IAH1: variants seen among roughly 807,000 people sequenced by gnomAD.
The protein encoded by IAH1 is isoamyl acetate hydrolyzing esterase 1 (putative).
Under a neutral mutation model 26.7 loss-of-function variants are expected in IAH1, and 24 were observed. The ratio of observed to expected loss-of-function variants is 0.90; its 90% CI spans 0.65 to 1.26. The LOEUF is 1.26. IAH1 is among the 50% of genes most tolerant of loss of function. The probability of loss-of-function intolerance (pLI) is 0.00; values close to 1 mark genes in which losing one functional copy is unlikely to be tolerated. For missense variants in IAH1, 300 were observed against 299.9 expected (o/e 1.00, Z 0.00); for synonymous variants, 140 against 118.5 (o/e 1.18, Z -1.18).
chr2:9,486,797 C>G (rs575061691), intron 5 of IAH1: 14 of 151,242 alleles, frequency 9.3e-5, no homozygotes, highest in Non-Finnish European at 1.6e-4. Flanking sequence ...CCATCGTTCT[C>G]TAGCCTGGGC....
chr2:9,474,435 G>C (rs1466462175), upstream of IAH1: 1 of 477,444 alleles, frequency 2.1e-6, no homozygotes, highest in East Asian at 3.8e-5. The surrounding 1 kb of genome is among the most constrained non-coding windows in gnomAD (Gnocchi z 4.3). Flanking sequence ...GACTCCAAGG[G>C]GCAACGACCT....
At chr2:9,501,105 C>G (rs1323807777), downstream of IAH1, among the ~76,000 whole-genome samples, 1 of 152,068 alleles carries the variant, frequency 6.6e-6, no homozygotes, top group African/African-American at 2.4e-5. Context: ...CCTCCAAATT[C>G]ACAGTAGTGA....
At chr2:9,475,079 C>A in intron 1 of IAH1, 1 of 1,234,346 alleles carries the variant, frequency 8.1e-7, no homozygotes. Context: ...CTCTCTCGCC[C>A]CATTCCCTGC....
the IAH1 span, among the ~76,000 whole-genome samples, chr2:9,508,859 G>T: frequency 0.52 from 78,247 of 151,806 alleles, 21,080 homozygotes; most frequent in Middle Eastern, 0.67. Flanking sequence ...AGACAAAAAG[G>T]GGTAGAAAAA....
chr2:9,485,966 G>A (rs903061629), intron 5 of IAH1: 2 of 152,356 alleles, frequency 1.3e-5, no homozygotes, highest in South Asian at 2.1e-4. Flanking sequence ...CAAACGGGAA[G>A]ACTCACAGCC....
chr2:9,487,301 C>T (rs1333931041), intron 5 of IAH1, among the ~76,000 whole-genome samples: 1 of 152,148 alleles, frequency 6.6e-6, no homozygotes, highest in Non-Finnish European at 1.5e-5. Flanking sequence ...GGGAGGGAGA[C>T]TGGACTCCTG....
At chr2:9,487,825 TGTGTGTGTGCGCGCGC>T (rs1348482882) in intron 5 of IAH1, among the ~76,000 whole-genome samples, 52 of 106,198 alleles carry the variant, frequency 4.9e-4, no homozygotes, top group Admixed American at 1.2e-3. Context: ...TGTGTGTGTG[TGTGTGTGTGCGCGCGC>T]GCGCGCGCGC....
At chr2:9,502,372 C>G in the IAH1 span, 3 of 1,048,816 alleles carry the variant, frequency 2.9e-6, no homozygotes, top group African/African-American at 1.6e-5. Context: ...TGAAGATCAC[C>G]GGGGAAGACC....
chr2:9,511,142 A>T, the IAH1 span, among the ~76,000 whole-genome samples: 5 of 152,238 alleles, frequency 3.3e-5, no homozygotes, highest in Admixed American at 6.5e-5. Flanking sequence ...AGGAAAAAAA[A>T]AGCAAGGGGT....
At chr2:9,477,499 A>T (rs1660881643) in intron 2 of IAH1, among the ~76,000 whole-genome samples, 1 of 151,746 alleles carries the variant, frequency 6.6e-6, no homozygotes, top group Non-Finnish European at 1.5e-5. Context: ...AGAAAAAAAG[A>T]GTCCCTCTTA....
downstream of IAH1, among the ~76,000 whole-genome samples, chr2:9,499,502 C>T (rs1268302125): frequency 6.6e-5 from 10 of 151,854 alleles, no homozygotes; most frequent in African/African-American, 1.2e-4. Flanking sequence ...CCCGGGTTCA[C>T]GCCATTCTCC....
chr2:9,475,279 A>G, intron 1 of IAH1: 2 of 1,119,672 alleles, frequency 1.8e-6, no homozygotes, highest in Non-Finnish European at 2.4e-6. Flanking sequence ...CTCAGACAGG[A>G]CTTGCTTCAC....
At chr2:9,505,581 G>A in the IAH1 span, 1 of 565,970 alleles carries the variant, frequency 1.8e-6, no homozygotes, top group South Asian at 2.1e-5. Context: ...ATGTGAACTT[G>A]GTTAAGGATC....
chr2:9,511,923 A>C, the IAH1 span, among the ~76,000 whole-genome samples: 1 of 152,130 alleles, frequency 6.6e-6, no homozygotes, highest in Non-Finnish European at 1.5e-5. Flanking sequence ...GTGAGCCGAG[A>C]TAGGCCACTG....
rs1460805470 is a variant in IAH1, at chr2:9,489,479, C to CT, written c.*1151dup. On this transcript the variant is annotated 3_prime_UTR_variant, in exon 6 of 6. Transcript: ENST00000497473. ...AAAAACTGCCCAGCAAATCAGGGCC[C>CT]TAAACAGTTGGTAGATTCCATAAAT... 6.6e-6 allele frequency: 1 copy of CT among 151,768 alleles called. No individual in the cohort carries two copies. The highest frequency in any genetic ancestry group is 1.5e-5 in the Non-Finnish European group (1 of 67,930). 9.4% of individuals were successfully genotyped at this position (151,768 alleles called of 1,614,324 possible). A position where few individuals can be genotyped will look rare whatever the true frequency, so the allele number is the denominator to read the frequency against.
chr2:9,501,133 T>C (rs1469509903), downstream of IAH1, among the ~76,000 whole-genome samples: 1 of 152,056 alleles, frequency 6.6e-6, no homozygotes, highest in Non-Finnish European at 1.5e-5. Flanking sequence ...TGAAACCCAA[T>C]TTTTAAAAAA....
In IAH1 at chr2:9,474,898, C is replaced by T. The variant is rs1282588802; in HGVS notation, c.81+251C>T. On this transcript the variant is annotated intron_variant, in intron 1 of 5. Transcript: ENST00000497473. The surrounding 1 kb of genome is among the most constrained non-coding windows in gnomAD (Gnocchi z 4.3). ...AGGCACAGACGCGAGGGGACCCGGC[C>T]GCGCTGCCCGCCCCGCGCCGCCTCC... The T allele has an allele frequency of 5.1e-6, 3 of 583,894 alleles. No homozygotes were observed. Among genetic ancestry groups the T allele is most frequent in the African/African-American group, 2.0e-5 (1 of 49,446 alleles). The allele number at this position is 583,894 out of a possible 1,614,324, so 36.2% of individuals were successfully genotyped here.
downstream of IAH1, chr2:9,490,200 C>G (rs142315365): frequency 1.9e-6 from 3 of 1,597,070 alleles, no homozygotes; most frequent in African/African-American, 2.7e-5. Flanking sequence ...TCTTTGCTGT[C>G]AACACGATTC....
the IAH1 span, among the ~76,000 whole-genome samples, chr2:9,507,513 T>A: frequency 2.0e-5 from 3 of 152,032 alleles, no homozygotes; most frequent in South Asian, 6.2e-4. Flanking sequence ...AAAATCATAA[T>A]AAATAATAAT....
Sources: gnomAD v4.1 joint callset for allele counts (sites outside exome capture counted in the v4.1 genomes callset) on GRCh38, gnomAD v4.1.1 for gene constraint, Gnocchi (gnomAD v3.1) non-coding constraint, MANE v1.5 for transcripts, NCBI Gene and HGNC (gene_info 2026-07-23, HGNC 2026-07-21) for gene names.